Variants in SREK1 observed in about 807,000 individuals in gnomAD.
The protein encoded by SREK1 is splicing regulatory glutamic acid and lysine rich protein 1.
SREK1 carries 13 observed loss-of-function variants against 66.5 expected under a neutral mutation model. The observed-to-expected ratio is 0.20, with a 90% CI of 0.13 to 0.31. The LOEUF (loss-of-function observed/expected upper bound fraction) is 0.31. Among genes scored for constraint, SREK1 ranks in the 10% least tolerant of loss-of-function variants. SREK1 has a pLI of 1.00. For synonymous variants in SREK1, 265 were observed against 263.5 expected, an observed-to-expected ratio of 1.01 and a Z score of -0.05; for missense variants, 607 against 769.6, an observed-to-expected ratio of 0.79 and a Z score of 2.50.
intron 2 of SREK1, among the ~76,000 whole-genome samples, chr5:66,154,136 A>C (rs1744086030): frequency 6.6e-6 from 1 of 152,180 alleles, no homozygotes; most frequent in South Asian, 2.1e-4. Flanking sequence ...GTTTTCTTTT[A>C]CTGGCCCCAA....
rs1746613506 is a variant in SREK1 at position 66,182,966 on chromosome 5, G to A, written c.*4098G>A. 6.6e-6 allele frequency: 1 copy of A among 152,054 alleles called. No individual in the cohort carries two copies. The highest frequency in any genetic ancestry group is 1.5e-5 in the Non-Finnish European group (1 of 67,992). 9.4% of individuals were successfully genotyped at this position (152,054 alleles called of 1,614,324 possible). A position where few individuals can be genotyped will look rare whatever the true frequency, so the allele number is the denominator to read the frequency against. On this transcript the variant is annotated 3_prime_UTR_variant, in exon 12 of 12. Transcript: ENST00000334121. ...AATAACTAGCTTTCTTCCATTCTAAGGTACTTTTATAGTTTCTAGCAATTA... is the reference window on the plus strand; with the variant it reads ...AATAACTAGCTTTCTTCCATTCTAAAGTACTTTTATAGTTTCTAGCAATTA...
intron 9 of SREK1, 96 bp from the exon 10 acceptor site, chr5:66,174,841 AATACTGTTC>A: frequency 2.0e-6 from 2 of 1,021,374 alleles, no homozygotes; most frequent in Non-Finnish European, 2.9e-6. Context: ...GCCTCTAAAG[AATACTGTTC>A]ATATGAGAAT....
rs1352658337 is a variant in SREK1, at chr5:66,178,813, A to G, written c.1820A>G (p.Asn607Ser). The change falls in exon 12 of 12, where the codon AAT becomes AGT. Residue 607 changes from asparagine to serine, a missense_variant. This residue lies in a region of SREK1 where 318 missense variants were observed against 310.3 expected (regional missense o/e 1.02). Coordinates refer to ENST00000334121, the MANE Select transcript of SREK1 (RefSeq NM_001077199.3). ...PRTEENKIQH[N>S]GNCQLNEENL... The stretch of plus-strand genomic sequence containing the variant: ...ACTGAGGAAAACAAAATACAGCACA[A>G]TGGGAATTGTCAGCTGAATGAAGAA... The G allele has an allele frequency of 1.9e-6, 3 of 1,612,536 alleles. No individual in the cohort carries two copies. The highest frequency in any genetic ancestry group is 1.7e-6 in the Non-Finnish European group (2 of 1,178,982).
At chr5:66,164,582 C>A in intron 6 of SREK1, 1 of 1,510,498 alleles carries the variant, frequency 6.6e-7, no homozygotes, top group African/African-American at 1.4e-5. Context: ...TGTTTATAAT[C>A]ATCTGGTTTA....
At position 66,170,898 on chromosome 5, in the gene SREK1, A is replaced by G. The variant is rs758236292; in HGVS notation, c.1435A>G (p.Thr479Ala). 9.3e-6 allele frequency: 15 copies of G among 1,613,426 alleles called. No homozygotes were observed. Among genetic ancestry groups the G allele is most frequent in the African/African-American group, 2.7e-5 (2 of 74,806 alleles). The change falls in exon 9 of 12, where the codon ACA becomes GCA. Residue 479 changes from threonine (T) to alanine (A), a missense_variant. Coordinates refer to ENST00000334121, the MANE Select transcript of SREK1 (RefSeq NM_001077199.3). ...EKRKKDKKSR[T>A]PPRSYNASRR... Reference sequence around the variant, plus strand: ...AAGAAAGAAGGATAAAAAATCCAGAACACCACCCAGGAGTTACAATGCATC... The same window carrying G: ...AAGAAAGAAGGATAAAAAATCCAGAGCACCACCCAGGAGTTACAATGCATC...
intron 3 of SREK1, among the ~76,000 whole-genome samples, chr5:66,161,047 A>G (rs1358651085): frequency 6.6e-6 from 1 of 152,182 alleles, no homozygotes; most frequent in Admixed American, 6.5e-5. Context: ...TTTTCCTACC[A>G]TGGCATAAGT....
At chr5:66,161,149 AC>A (rs368802124) in intron 3 of SREK1, among the ~76,000 whole-genome samples, 7 of 152,356 alleles carry the variant, frequency 4.6e-5, no homozygotes, top group African/African-American at 1.7e-4. Flanking sequence ...GGATTAAGTT[AC>A]TACCTCAGTT....
chr5:66,148,407 A>G (rs1743454959), intron 1 of SREK1, among the ~76,000 whole-genome samples: 1 of 152,226 alleles, frequency 6.6e-6, no homozygotes, highest in African/African-American at 2.4e-5. Context: ...AAAAGACAAA[A>G]TAACCAGTTA....
At chr5:66,148,997 T>G (rs1481366841) in intron 1 of SREK1, among the ~76,000 whole-genome samples, 1 of 152,222 alleles carries the variant, frequency 6.6e-6, no homozygotes, top group African/African-American at 2.4e-5. Flanking sequence ...TTTCAAATAT[T>G]TGCATTTTTA....
intron 1 of SREK1, among the ~76,000 whole-genome samples, chr5:66,149,884 G>A (rs1419947735): frequency 6.6e-6 from 1 of 152,226 alleles, no homozygotes; most frequent in Non-Finnish European, 1.5e-5. Context: ...TTGTAGTACA[G>A]CCAGGCCTCA....
At chr5:66,171,512 G>GT (rs754570479) in intron 9 of SREK1, among the ~76,000 whole-genome samples, 12 of 152,268 alleles carry the variant, frequency 7.9e-5, no homozygotes, top group Admixed American at 3.3e-4. Flanking sequence ...AGTTGCCATA[G>GT]TAACAGCTGT....
At chr5:66,178,693 A>G in intron 11 of SREK1, 26 bp from the exon 12 acceptor site, 1 of 1,554,078 alleles carries the variant, frequency 6.4e-7, no homozygotes, top group Non-Finnish European at 8.7e-7. Context: ...AAAATATTAA[A>G]TGCATACCTT....
intron 9 of SREK1, among the ~76,000 whole-genome samples, chr5:66,171,637 C>G (rs1171388289): frequency 1.3e-5 from 2 of 152,000 alleles, no homozygotes; most frequent in Non-Finnish European, 2.9e-5. Flanking sequence ...CTTAAAAATA[C>G]TAAATATATA....
At chr5:66,163,974 T>A (rs760611158) in intron 6 of SREK1, 52 bp downstream of exon 6, 1 of 1,554,774 alleles carries the variant, frequency 6.4e-7, no homozygotes, top group Non-Finnish European at 8.7e-7. Flanking sequence ...CATAGACTCT[T>A]AGAACTGGAA....
intron 1 of SREK1, 154 bp downstream of exon 1, chr5:66,144,691 T>A: frequency 7.4e-7 from 1 of 1,352,738 alleles, no homozygotes. Context: ...GGCACCCGGG[T>A]TCCGCCGTCC....
chr5:66,146,221 C>G (rs1743181123), intron 1 of SREK1, among the ~76,000 whole-genome samples: 1 of 152,072 alleles, frequency 6.6e-6, no homozygotes, highest in African/African-American at 2.4e-5. Flanking sequence ...ATCCTGCAGG[C>G]ATTGGAATCA....
At chr5:66,170,317 A>G in intron 8 of SREK1, 147 bp downstream of exon 8, 1 of 1,201,602 alleles carries the variant, frequency 8.3e-7, no homozygotes, top group Non-Finnish European at 1.1e-6. Context: ...TTATTGTTTT[A>G]GTAATCTAGG....
chr5:66,153,341 C>G, intron 1 of SREK1, 122 bp from the exon 2 acceptor site: 1 of 1,285,896 alleles, frequency 7.8e-7, no homozygotes, highest in South Asian at 1.5e-5. Context: ...TCCTTAATAA[C>G]AAAAAGTTTT....
chr5:66,168,222 A>G (rs1745326006), intron 7 of SREK1: 2 of 152,128 alleles, frequency 1.3e-5, no homozygotes, highest in South Asian at 4.1e-4. Flanking sequence ...TGAAATTTTG[A>G]TTTGTAATGT....
Sources: allele counts gnomAD v4.1 joint callset (sites outside exome capture counted in the v4.1 genomes callset), GRCh38; gene constraint gnomAD v4.1.1; regional missense constraint gnomAD v4.1.1; transcripts MANE v1.5; gene names NCBI Gene and HGNC (gene_info 2026-07-23, HGNC 2026-07-21).